The following ASPA variants were observed in gnomAD, a reference collection of about 807,000 sequenced individuals.
ASPA encodes the protein ACY-2.
Under a neutral mutation model 29.6 loss-of-function variants are expected in ASPA, and 25 were observed. The ratio of observed to expected loss-of-function variants is 0.85; its 90% CI spans 0.62 to 1.18. The LOEUF (loss-of-function observed/expected upper bound fraction) is 1.18. ASPA is among the 50% of genes most tolerant of loss of function. The pLI is 0.00. For missense variants in ASPA, 333 were observed against 385.7 expected (o/e 0.86, Z 1.14); for synonymous variants, 131 against 130.3 (o/e 1.01, Z -0.04).
chr17:3,495,217 C>A (rs1447480264), intron 5 of ASPA, among the ~76,000 whole-genome samples: 5 of 152,178 alleles, frequency 3.3e-5, no homozygotes, highest in African/African-American at 9.7e-5. Context: ...CCTGCACACT[C>A]CCAGACCTCA....
At position 3,485,032 on chromosome 17, in the gene ASPA, T is replaced by G. The variant is rs759116796; in HGVS notation, c.526+1440T>G. 1.3e-5 allele frequency among the ~76,000 whole-genome samples: 2 copies of G among 152,166 alleles called. No homozygotes were observed. The highest frequency in any genetic ancestry group is 2.1e-4 in the South Asian group (1 of 4,820). On this transcript the variant is annotated intron_variant, in intron 3 of 5. Coordinates refer to ENST00000263080, the MANE Select transcript of ASPA (RefSeq NM_000049.4). This position sits in a 1 kb window ranked among gnomAD's most constrained non-coding sequence, Gnocchi z 4.4. ...TCACAGTAGGGTTTTGTTTTGTTTT[T>G]TTTCTGGAAAAGGGTCTCACTCTGT...
chr17:3,490,964 C>G lies in ASPA; in HGVS notation c.634+1622C>G, dbSNP rs181368383. ...AATTGTCAACCACGATTAATTTAGA[C>G]TATCCAGCTTGGTGGATTTTCAACT... On this transcript the variant is annotated intron_variant, in intron 4 of 5. Transcript: ENST00000263080. This position sits in a 1 kb window ranked among gnomAD's most constrained non-coding sequence, Gnocchi z 4.6. Among the ~76,000 whole-genome samples, 35 of 152,290 alleles carry G rather than the reference C, an allele frequency of 2.3e-4. No individual in the cohort carries two copies. The highest frequency in any genetic ancestry group is 2.1e-3 in the Admixed American group (32 of 15,292).
rs1254784638 is a variant in ASPA at position 3,485,526 on chromosome 17, A to C, written c.526+1934A>C. Among the ~76,000 whole-genome samples the C allele has an allele frequency of 6.6e-6, 1 of 152,204 alleles. No homozygotes were observed. The highest frequency in any genetic ancestry group is 1.9e-4 in the East Asian group (1 of 5,190). ...GAAACTCCGTCTCAAAAAAACAAAC[A>C]AACAAAAATACTAGCCATCTAACAC... is the stretch of plus-strand genomic sequence containing the variant. On this transcript the variant is annotated intron_variant, in intron 3 of 5. Transcript: ENST00000263080. The surrounding 1 kb of genome is among the most constrained non-coding windows in gnomAD (Gnocchi z 4.4).
At chr17:3,479,323 G>A (rs766469414) in intron 1 of ASPA, among the ~76,000 whole-genome samples, 41 of 152,260 alleles carry the variant, frequency 2.7e-4, no homozygotes, top group Middle Eastern at 3.4e-3. Flanking sequence ...ACTCAAATGC[G>A]GAAGAATGAT....
intron 3 of ASPA, 40 bp downstream of exon 3, chr17:3,483,632 G>A (rs1674342755): frequency 6.6e-7 from 1 of 1,515,906 alleles, no homozygotes; most frequent in East Asian, 2.3e-5. Flanking sequence ...AATAAAATAT[G>A]TCCTAGCTGA....
rs2074010313 is a variant in ASPA, at chr17:3,503,200, C to T, written c.*4112C>T. On this transcript the variant is annotated 3_prime_UTR_variant, in exon 6 of 6. Transcript: ENST00000263080. ...TATTTACCAAAAATACTAACATTATCTGGAATGAATGAATGAATGAATGAA... is the reference window on the plus strand; with the variant it reads ...TATTTACCAAAAATACTAACATTATTTGGAATGAATGAATGAATGAATGAA... The T allele has an allele frequency of 6.6e-6, 1 of 151,938 alleles. No individual in the cohort carries two copies. Among genetic ancestry groups the T allele is most frequent in the Non-Finnish European group, 1.5e-5 (1 of 68,022 alleles). 9.4% of individuals were successfully genotyped at this position (151,938 alleles called of 1,614,324 possible).
At chr17:3,481,511 G>A in intron 1 of ASPA, 92 bp from the exon 2 acceptor site, 1 of 1,173,338 alleles carries the variant, frequency 8.5e-7, no homozygotes, top group Non-Finnish European at 1.2e-6. Context: ...TAAAGATTTG[G>A]CGACTGGTTC....
upstream of ASPA, chr17:3,475,870 T>C: frequency 2.3e-6 from 1 of 429,144 alleles, no homozygotes; most frequent in South Asian, 2.6e-5. Flanking sequence ...TGTATTTAGA[T>C]CTACTGACCA....
upstream of ASPA, chr17:3,475,889 A>G: frequency 2.1e-6 from 1 of 477,914 alleles, no homozygotes; most frequent in Non-Finnish European, 3.8e-6. Context: ...CATCTGAGGG[A>G]GTTAGAAGTT....
intron 3 of ASPA, among the ~76,000 whole-genome samples, chr17:3,487,408 T>C (rs1597437084): frequency 6.6e-6 from 1 of 152,194 alleles, no homozygotes. Flanking sequence ...CTCCCTCATA[T>C]TGAAATATTT....
chr17:3,493,943 C>T (rs551025534), intron 4 of ASPA, among the ~76,000 whole-genome samples: 27 of 152,210 alleles, frequency 1.8e-4, no homozygotes, highest in African/African-American at 4.6e-4. Context: ...CTTAACTAAA[C>T]GTTATCTGTT....
chr17:3,475,028 G>C (rs1243305825), upstream of ASPA, among the ~76,000 whole-genome samples: 1 of 152,170 alleles, frequency 6.6e-6, no homozygotes, highest in African/African-American at 2.4e-5. Context: ...AATAAACTGA[G>C]TGAAAGGACA....
chr17:3,496,468 C>T (rs1401866151), intron 5 of ASPA, among the ~76,000 whole-genome samples: 1 of 152,130 alleles, frequency 6.6e-6, no homozygotes, highest in African/African-American at 2.4e-5. Flanking sequence ...GATGAGAAGC[C>T]AGCCATGTGG....
intron 5 of ASPA, among the ~76,000 whole-genome samples, chr17:3,495,552 TTTTGTTTTTGTTTTTG>T (rs1160419957): frequency 1.6e-4 from 1 of 6,362 alleles, no homozygotes; most frequent in African/African-American, 8.4e-4. Context: ...CAGTGTTTGT[TTTTGTTTTTGTTTTTG>T]TTTTTGTTTT....
chr17:3,494,400 G>C lies in ASPA; in HGVS notation c.685G>C (p.Val229Leu). ...AIEVYKIIEK[V>L]DYPRDENGEI... ...TGAGGTCTATAAAATTATAGAGAAAGTTGATTACCCCCGGGATGAAAATGG... is the reference window on the plus strand; with the variant it reads ...TGAGGTCTATAAAATTATAGAGAAACTTGATTACCCCCGGGATGAAAATGG... The change falls in exon 5 of 6, where the codon GTT becomes CTT. Residue 229 changes from valine (V) to leucine (L), a missense_variant. By Grantham distance (32) the Val-to-Leu change is conservative. Transcript: ENST00000263080. 1 of 1,613,286 alleles carries C rather than the reference G, an allele frequency of 6.2e-7. No homozygotes were observed. Among genetic ancestry groups the C allele is most frequent in the Non-Finnish European group, 8.5e-7 (1 of 1,179,232 alleles).
intron 1 of ASPA, among the ~76,000 whole-genome samples, chr17:3,477,745 C>T (rs1006746903): frequency 2.4e-4 from 37 of 152,196 alleles, no homozygotes; most frequent in African/African-American, 8.4e-4. Context: ...TGAGCCACCG[C>T]GCTGGGCCGC....
rs532561378 is a variant in ASPA, at chr17:3,495,984, C to A, written c.744+1525C>A. Among the ~76,000 whole-genome samples the A allele has an allele frequency of 2.0e-5, 3 of 152,248 alleles. No homozygotes were observed. In the East Asian group the frequency reaches 5.8e-4, roughly 29 times the overall value. On this transcript the variant is annotated intron_variant, in intron 5 of 5. Coordinates refer to ENST00000263080, the MANE Select transcript of ASPA (RefSeq NM_000049.4). ...GCCAAGGTGATGATATCATGGCAGGCTAAAACAGGATTTTTCAGGTTTTAG... is the reference window on the plus strand; with the variant it reads ...GCCAAGGTGATGATATCATGGCAGGATAAAACAGGATTTTTCAGGTTTTAG...
At chr17:3,497,027 C>G (rs141578804) in intron 5 of ASPA, among the ~76,000 whole-genome samples, 1 of 152,194 alleles carries the variant, frequency 6.6e-6, no homozygotes, top group African/African-American at 2.4e-5. Flanking sequence ...GATTGTGCCA[C>G]TGCACTCCAG....
In ASPA at chr17:3,498,977, C is replaced by A. The variant is rs78677072; in HGVS notation, c.831C>A (p.Thr277=). 43 of 1,613,980 alleles carry A rather than the reference C, an allele frequency of 2.7e-5. No homozygotes were observed. The highest frequency in any genetic ancestry group is 3.3e-5 in the Admixed American group (2 of 60,010). ...GKTIPLGGDC[T]VYPVFVNEAA... Reference sequence around the variant, plus strand: ...CGATCCCACTGGGCGGAGACTGTACCGTGTACCCCGTGTTTGTGAATGAGG... The same window carrying A: ...CGATCCCACTGGGCGGAGACTGTACAGTGTACCCCGTGTTTGTGAATGAGG... The change falls in exon 6 of 6, where the codon ACC becomes ACA. Residue 277 remains threonine, a synonymous_variant. Coordinates refer to ENST00000263080, the MANE Select transcript of ASPA (RefSeq NM_000049.4).
Sources: allele counts gnomAD v4.1 joint callset (sites outside exome capture counted in the v4.1 genomes callset), GRCh38; gene constraint gnomAD v4.1.1; non-coding constraint Gnocchi (gnomAD v3.1); transcripts MANE v1.5; gene names NCBI Gene and HGNC (gene_info 2026-07-23, HGNC 2026-07-21).